SLC35F4: variants seen among roughly 807,000 people sequenced by gnomAD.
The protein encoded by SLC35F4 is chromosome 14 open reading frame 36.
Under a neutral mutation model 44.2 loss-of-function variants are expected in SLC35F4, and 24 were observed. That is an observed-to-expected ratio of 0.54 (90% CI 0.39 to 0.76). SLC35F4 has a LOEUF of 0.76. Ranked by LOEUF, SLC35F4 falls within the 30% of genes least tolerant of loss-of-function variation. The probability of loss-of-function intolerance (pLI) is 0.00; values close to 1 mark genes in which losing one functional copy is unlikely to be tolerated. For missense variants in SLC35F4, 562 were observed against 586.1 expected, an observed-to-expected ratio of 0.96 and a Z score of 0.42; for synonymous variants, 238 against 223.6, an observed-to-expected ratio of 1.06 and a Z score of -0.57.
At chr14:57,735,725 GTT>G (rs11337745) in intron 1 of SLC35F4, among the ~76,000 whole-genome samples, 1,972 of 140,954 alleles carry the variant, frequency 0.014, 22 homozygotes, top group South Asian at 0.062. Context: ...ACCCCCTTTT[GTT>G]TTTTTTTTTT....
At chr14:57,907,907 T>A (rs1030870616) in intron 1 of SLC35F4, among the ~76,000 whole-genome samples, 7 of 152,102 alleles carry the variant, frequency 4.6e-5, no homozygotes, top group African/African-American at 1.7e-4. Flanking sequence ...GGTGGTTTGC[T>A]GCACCTATTG....
intron 1 of SLC35F4, among the ~76,000 whole-genome samples, chr14:57,960,431 C>T (rs1302115541): frequency 2.6e-5 from 4 of 152,200 alleles, no homozygotes; most frequent in Non-Finnish European, 5.9e-5. Context: ...AAACATTTAA[C>T]CCCAAGCATT....
At chr14:57,744,713 AC>A (rs1326544583) in intron 1 of SLC35F4, among the ~76,000 whole-genome samples, 1 of 152,172 alleles carries the variant, frequency 6.6e-6, no homozygotes, top group African/African-American at 2.4e-5. Context: ...AAGAAAGCTG[AC>A]TTTCTTCAGA....
At chr14:57,624,219 G>A (rs1462171109) in intron 1 of SLC35F4, among the ~76,000 whole-genome samples, 1 of 152,076 alleles carries the variant, frequency 6.6e-6, no homozygotes, top group African/African-American at 2.4e-5. Flanking sequence ...ATAAATTCCT[G>A]GACACATACA....
At chr14:57,716,349 G>A (rs557383465) in intron 1 of SLC35F4, among the ~76,000 whole-genome samples, 79 of 151,144 alleles carry the variant, frequency 5.2e-4, no homozygotes, top group Middle Eastern at 3.4e-3. Flanking sequence ...CATTTATGCC[G>A]GATGTTGCAA....
At chr14:57,744,045 C>G (rs2140525160) in intron 1 of SLC35F4, among the ~76,000 whole-genome samples, 1 of 152,282 alleles carries the variant, frequency 6.6e-6, no homozygotes, top group African/African-American at 2.4e-5. Flanking sequence ...GCTAAAAACT[C>G]TCAATAAATT....
At chr14:57,823,651 T>A (rs1446511410) in intron 1 of SLC35F4, among the ~76,000 whole-genome samples, 1 of 152,148 alleles carries the variant, frequency 6.6e-6, no homozygotes, top group Non-Finnish European at 1.5e-5. Context: ...TTAAAAGTCT[T>A]GGGAGTCTTG....
intron 1 of SLC35F4, among the ~76,000 whole-genome samples, chr14:57,847,306 C>T (rs1036096505): frequency 6.6e-6 from 1 of 152,050 alleles, no homozygotes; most frequent in South Asian, 2.1e-4. Flanking sequence ...CAAGCTGTGC[C>T]TTGGGATTTT....
At chr14:57,619,547 A>G (rs922193929) in intron 1 of SLC35F4, among the ~76,000 whole-genome samples, 1 of 152,188 alleles carries the variant, frequency 6.6e-6, no homozygotes, top group Non-Finnish European at 1.5e-5. Context: ...GGTCACTAAC[A>G]TCAGAGACCA....
chr14:57,828,730 G>A (rs1257332659), intron 1 of SLC35F4, among the ~76,000 whole-genome samples: 2 of 152,194 alleles, frequency 1.3e-5, no homozygotes, highest in African/African-American at 4.8e-5. Context: ...TCCAGGATAG[G>A]AGTTGGACTG....
At chr14:57,665,620 C>T (rs866867645) in intron 1 of SLC35F4, among the ~76,000 whole-genome samples, 1 of 152,156 alleles carries the variant, frequency 6.6e-6, no homozygotes, top group Admixed American at 6.5e-5. Flanking sequence ...CCAGCAATCC[C>T]ATTACTGGGT....
At chr14:57,588,054 C>T (rs987202439) in intron 3 of SLC35F4, among the ~76,000 whole-genome samples, 1 of 147,146 alleles carries the variant, frequency 6.8e-6, no homozygotes, top group Non-Finnish European at 1.5e-5. Flanking sequence ...GGCATGGTGG[C>T]GGGCGCTTGT....
chr14:57,695,185 TA>T (rs1304277252), intron 1 of SLC35F4, among the ~76,000 whole-genome samples: 5 of 152,066 alleles, frequency 3.3e-5, no homozygotes, highest in Admixed American at 1.3e-4. Flanking sequence ...CTAATTAAAC[TA>T]AAGAGCTTCT....
chr14:57,751,936 C>G (rs80264900), intron 1 of SLC35F4, among the ~76,000 whole-genome samples: 36,427 of 134,766 alleles, frequency 0.27, 4,427 homozygotes, highest in South Asian at 0.32. Context: ...CTCTCTCTCT[C>G]TGTGTGTGTG....
intron 1 of SLC35F4, among the ~76,000 whole-genome samples, chr14:57,734,518 C>T (rs2076419460): frequency 6.6e-6 from 1 of 152,206 alleles, no homozygotes; most frequent in Non-Finnish European, 1.5e-5. Context: ...AGAGTTTTCC[C>T]CATGGCTAGA....
chr14:57,760,473 G>A (rs192018885), intron 1 of SLC35F4, among the ~76,000 whole-genome samples: 102 of 152,234 alleles, frequency 6.7e-4, no homozygotes, highest in Middle Eastern at 3.4e-3. Context: ...GAGGCCTCCA[G>A]CTTTGTTCTG....
intron 1 of SLC35F4, among the ~76,000 whole-genome samples, chr14:57,750,205 C>T (rs893196318): frequency 1.3e-5 from 2 of 152,138 alleles, no homozygotes; most frequent in Non-Finnish European, 2.9e-5. Flanking sequence ...CATGTTGCTG[C>T]AAATGACAGG....
At position 57,865,788 on chromosome 14, in the gene SLC35F4, A is replaced by T. The variant is rs1888115202; in HGVS notation, c.38T>A (p.Ile13Asn). 6.6e-7 allele frequency: 1 copy of T among 1,522,132 alleles called. No individual in the cohort carries two copies. Among genetic ancestry groups the T allele is most frequent in the African/African-American group, 1.4e-5 (1 of 71,128 alleles). 94.3% of individuals were successfully genotyped at this position (1,522,132 alleles called of 1,614,324 possible). A position where few individuals can be genotyped will look rare whatever the true frequency, so the allele number is the denominator to read the frequency against. Residue 13 changes from isoleucine to asparagine, a missense_variant, in exon 1 of 8, where the codon ATC becomes AAC. Transcript: ENST00000556826. ...VKAAPNGVATIEDRILRITGY... is the reference protein window; with the variant it reads ...VKAAPNGVATNEDRILRITGY... ...GGTGATCCGCAGGATCCGGTCCTCG[A>T]TAGTGGCCACCCCGTTGGGGGCCGC...
At chr14:57,644,141 G>A (rs1180268680) in intron 1 of SLC35F4, among the ~76,000 whole-genome samples, 1 of 152,142 alleles carries the variant, frequency 6.6e-6, no homozygotes, top group Non-Finnish European at 1.5e-5. Context: ...CCAGTAATGG[G>A]ATGGCTGGGT....
Sources: allele counts gnomAD v4.1 joint callset (sites outside exome capture counted in the v4.1 genomes callset), GRCh38; gene constraint gnomAD v4.1.1; transcripts MANE v1.5; gene names NCBI Gene and HGNC (gene_info 2026-07-23, HGNC 2026-07-21).